The following GPC6 variants were observed in gnomAD, a reference collection of about 807,000 sequenced individuals.
GPC6 encodes glypican-6.
In GPC6, 14 loss-of-function variants were observed where a neutral mutation model predicts 55.2. The ratio of observed to expected loss-of-function variants is 0.25; its 90% CI spans 0.17 to 0.40. The LOEUF is 0.40. Among genes scored for constraint, GPC6 ranks in the 10% least tolerant of loss-of-function variants. The pLI, the probability that GPC6 is intolerant of heterozygous loss-of-function variation, is 1.00. For missense variants in GPC6, 641 were observed against 708.5 expected, an observed-to-expected ratio of 0.90 and a Z score of 1.08; for synonymous variants, 278 against 259.6, an observed-to-expected ratio of 1.07 and a Z score of -0.68.
chr13:94,372,056 C>T (rs117320671), intron 6 of GPC6, among the ~76,000 whole-genome samples: 3 of 152,228 alleles, frequency 2.0e-5, no homozygotes, highest in South Asian at 4.2e-4. Context: ...TCTCTTCCTT[C>T]TTTCCTTCCC....
At chr13:93,331,274 T>C (rs761258861) in intron 1 of GPC6, among the ~76,000 whole-genome samples, 1 of 152,234 alleles carries the variant, frequency 6.6e-6, no homozygotes, top group Non-Finnish European at 1.5e-5. Flanking sequence ...CCATCATTTC[T>C]GTCCTTCGAA....
Position 93,824,346 on chromosome 13 carries a change from G to A in GPC6, c.320-5808G>A, listed in dbSNP as rs531273013. 1.2e-4 allele frequency among the ~76,000 whole-genome samples: 19 copies of A among 152,340 alleles called. No individual in the cohort carries two copies. In the East Asian group the frequency reaches 3.5e-3, roughly 28 times the overall value. On this transcript the variant is annotated intron_variant, in intron 2 of 8. Coordinates refer to ENST00000377047, the MANE Select transcript of GPC6 (RefSeq NM_005708.5). Reference sequence around the variant, plus strand: ...GGAAGAAGGCTTTATGTGTGAGACTGCAATGTGTGAGACTCAAAAGTGGTT... The same window carrying A: ...GGAAGAAGGCTTTATGTGTGAGACTACAATGTGTGAGACTCAAAAGTGGTT...
intron 3 of GPC6, among the ~76,000 whole-genome samples, chr13:93,979,519 T>A (rs895751345): frequency 3.3e-5 from 5 of 151,984 alleles, no homozygotes; most frequent in Non-Finnish European, 5.9e-5. Context: ...GGTCTATAAT[T>A]CAGACCATGC....
intron 4 of GPC6, among the ~76,000 whole-genome samples, chr13:94,132,674 A>G (rs568856743): frequency 3.3e-5 from 5 of 152,270 alleles, no homozygotes; most frequent in African/African-American, 1.2e-4. Flanking sequence ...CTAGAGCATT[A>G]TCTCCAAGAA....
intron 1 of GPC6, among the ~76,000 whole-genome samples, chr13:93,471,693 T>G (rs79289824): frequency 0.29 from 23,356 of 81,420 alleles, 2,341 homozygotes; most frequent in Non-Finnish European, 0.35. Context: ...GAATTTTATG[T>G]TTTTTTTATT....
At chr13:93,388,872 GC>G (rs1168630922) in intron 1 of GPC6, among the ~76,000 whole-genome samples, 8 of 152,164 alleles carry the variant, frequency 5.3e-5, no homozygotes, top group African/African-American at 1.9e-4. Flanking sequence ...TTGGCAAAAT[GC>G]TCAAAGGACT....
At position 94,384,554 on chromosome 13, in the gene GPC6, T is replaced by A. The variant is rs75888387; in HGVS notation, c.1289+2004T>A. Among the ~76,000 whole-genome samples, 311 of 152,166 alleles carry A rather than the reference T, an allele frequency of 2.0e-3. 1 individual carries two copies. Among genetic ancestry groups the A allele is most frequent in the Non-Finnish European group, 2.7e-3 (181 of 68,008 alleles). On this transcript the variant is annotated intron_variant, in intron 7 of 8. Transcript: ENST00000377047. Reference sequence around the variant, plus strand: ...TTTCTTACAAAAGGAAATATTTTTTTAAAAAAAGGCCATGGGCGAAGTTAG... The same window carrying A: ...TTTCTTACAAAAGGAAATATTTTTTAAAAAAAAGGCCATGGGCGAAGTTAG...
chr13:93,838,584 A>C (rs1460223567), intron 3 of GPC6, among the ~76,000 whole-genome samples: 1 of 152,196 alleles, frequency 6.6e-6, no homozygotes, highest in Non-Finnish European at 1.5e-5. Context: ...AGATTTTTTA[A>C]AAGACAAATA....
intron 2 of GPC6, among the ~76,000 whole-genome samples, chr13:93,665,533 A>G (rs1390266514): frequency 1.3e-5 from 2 of 152,158 alleles, no homozygotes; most frequent in African/African-American, 4.8e-5. Flanking sequence ...GACTTTCTGC[A>G]TTTCTTAGTG....
intron 7 of GPC6, among the ~76,000 whole-genome samples, chr13:94,385,857 C>G (rs922807921): frequency 2.6e-5 from 4 of 152,004 alleles, no homozygotes; most frequent in Non-Finnish European, 4.4e-5. Context: ...CATTTTTTCA[C>G]ACTTTTGAAT....
intron 1 of GPC6, among the ~76,000 whole-genome samples, chr13:93,302,364 T>A (rs990901615): frequency 2.6e-5 from 4 of 152,210 alleles, no homozygotes; most frequent in African/African-American, 9.6e-5. Context: ...CTGGTTACCC[T>A]CTAGTCCTAA....
intron 1 of GPC6, among the ~76,000 whole-genome samples, chr13:93,415,242 A>G (rs746051693): frequency 6.6e-6 from 1 of 152,120 alleles, no homozygotes; most frequent in Non-Finnish European, 1.5e-5. Context: ...AAATTAAAGC[A>G]CTAAGTTCAG....
chr13:94,312,083 G>A (rs1176566318), intron 6 of GPC6, among the ~76,000 whole-genome samples: 1 of 152,102 alleles, frequency 6.6e-6, no homozygotes, highest in Non-Finnish European at 1.5e-5. Flanking sequence ...TGAACATACT[G>A]GAATGAATAC....
chr13:93,343,287 C>T (rs1880321599), intron 1 of GPC6, among the ~76,000 whole-genome samples: 1 of 152,138 alleles, frequency 6.6e-6, no homozygotes, highest in Non-Finnish European at 1.5e-5. Context: ...TCAAGTTTAA[C>T]ACATTCATTT....
chr13:93,798,493 AG>A (rs1886269724), intron 2 of GPC6, among the ~76,000 whole-genome samples: 1 of 152,208 alleles, frequency 6.6e-6, no homozygotes, highest in African/African-American at 2.4e-5. Flanking sequence ...AAATAATTAT[AG>A]GCAGTGCAAA....
chr13:93,532,777 T>C (rs535116015), intron 1 of GPC6, among the ~76,000 whole-genome samples: 1 of 152,322 alleles, frequency 6.6e-6, no homozygotes, highest in Admixed American at 6.5e-5. Context: ...AGAAGTTTCT[T>C]CTGTGTCATC....
At chr13:93,300,657 A>AT (rs1417992061) in intron 1 of GPC6, among the ~76,000 whole-genome samples, 22 of 151,626 alleles carry the variant, frequency 1.5e-4, no homozygotes, top group Middle Eastern at 3.4e-3. Context: ...CAAAAAAAAA[A>AT]AAAAAAAGAA....
chr13:94,289,227 C>T (rs944457436), intron 5 of GPC6, among the ~76,000 whole-genome samples: 6 of 151,694 alleles, frequency 4.0e-5, no homozygotes, highest in African/African-American at 7.3e-5. Flanking sequence ...TTCTCAAGTC[C>T]GACAGAGCTT....
At chr13:93,626,030 T>C (rs1288689281) in intron 2 of GPC6, among the ~76,000 whole-genome samples, 1 of 152,188 alleles carries the variant, frequency 6.6e-6, no homozygotes, top group Non-Finnish European at 1.5e-5. Flanking sequence ...TCATGATTGA[T>C]ACATGAGGAG....
Sources: allele counts gnomAD v4.1 joint callset (sites outside exome capture counted in the v4.1 genomes callset), GRCh38; gene constraint gnomAD v4.1.1; transcripts MANE v1.5; gene names NCBI Gene and HGNC (gene_info 2026-07-23, HGNC 2026-07-21).